MYH10: variants seen among roughly 807,000 people sequenced by gnomAD.
MYH10 encodes myosin-10.
In MYH10, 55 loss-of-function variants were observed where a neutral mutation model predicts 257.8. That is an observed-to-expected ratio of 0.21 (90% CI 0.17 to 0.27). MYH10 has a LOEUF of 0.27. MYH10 is among the 10% of genes least tolerant of loss of function. The pLI is 1.00. For missense variants in MYH10, 1,631 were observed against 2,500.6 expected, an observed-to-expected ratio of 0.65 and a Z score of 7.42; for synonymous variants, 854 against 921.7, an observed-to-expected ratio of 0.93 and a Z score of 1.33.
chr17:8,587,616 A>G (rs773100550), intron 4 of MYH10, among the ~76,000 whole-genome samples: 13 of 152,082 alleles, frequency 8.5e-5, no homozygotes, highest in Non-Finnish European at 1.5e-4. Context: ...CTGTGCCCAG[A>G]CACCCAACCC....
At chr17:8,487,779 G>A (rs1318791130) in intron 35 of MYH10, among the ~76,000 whole-genome samples, 185 bp from the exon 36 acceptor site, 1 of 152,172 alleles carries the variant, frequency 6.6e-6, no homozygotes, top group Non-Finnish European at 1.5e-5. Flanking sequence ...TTTGTTCAAA[G>A]GGGTCTTTAA....
intron 7 of MYH10, chr17:8,560,763 T>C (rs1179022964): frequency 1.6e-6 from 1 of 609,198 alleles, no homozygotes; most frequent in Non-Finnish European, 3.1e-6. Context: ...CCTGGCATCT[T>C]GTCCATGGCA....
At chr17:8,483,395 C>G (rs1266223432) in intron 37 of MYH10, among the ~76,000 whole-genome samples, 1 of 151,974 alleles carries the variant, frequency 6.6e-6, no homozygotes, top group Non-Finnish European at 1.5e-5. Context: ...AGGGTCGGCT[C>G]CGTGTTTACT....
At position 8,489,747 on chromosome 17, in the gene MYH10, C is replaced by CACACACACACACACACA. The variant is rs1567784631; in HGVS notation, c.4884+592_4884+593insTGTGTGTGTGTGTGTGT. On this transcript the variant is annotated intron_variant, in intron 35 of 42. Transcript: ENST00000360416. ...CACACACACACACACACACACACACCCCAAATCCAAAACTTACTGCCATGA... is the reference window on the plus strand; with the variant it reads ...CACACACACACACACACACACACACCACACACACACACACACACCAAATCCAAAACTTACTGCCATGA... 5.0e-5 allele frequency among the ~76,000 whole-genome samples: 4 copies of CACACACACACACACACA among 79,688 alleles called. 1 individual carries two copies. The highest frequency in any genetic ancestry group is 2.4e-4 in the African/African-American group (4 of 16,822). The allele number at this position is 79,688 out of a possible 152,430, so 52.3% of individuals were successfully genotyped here.
At chr17:8,550,387 C>G (rs1597804237) in intron 9 of MYH10, among the ~76,000 whole-genome samples, 1 of 152,044 alleles carries the variant, frequency 6.6e-6, no homozygotes, top group Non-Finnish European at 1.5e-5. Context: ...CCGACCCCGT[C>G]TGGGAGGTGA....
intron 25 of MYH10, among the ~76,000 whole-genome samples, chr17:8,509,457 G>A (rs1405950425): frequency 1.3e-5 from 2 of 152,198 alleles, no homozygotes; most frequent in Non-Finnish European, 2.9e-5. Context: ...ACGTCTTGGT[G>A]CCCACCCCGG....
chr17:8,488,916 C>T (rs1383307511), intron 35 of MYH10, among the ~76,000 whole-genome samples: 1 of 152,140 alleles, frequency 6.6e-6, no homozygotes, highest in Non-Finnish European at 1.5e-5. Context: ...TCTACAAATT[C>T]TTTAATACTC....
At chr17:8,487,894 C>T (rs958080022) in intron 35 of MYH10, among the ~76,000 whole-genome samples, 3 of 151,928 alleles carry the variant, frequency 2.0e-5, no homozygotes, top group Non-Finnish European at 4.4e-5. Context: ...TGGAAAAACC[C>T]AAGACAATAC....
chr17:8,526,299 G>A (rs1488132768), intron 17 of MYH10, among the ~76,000 whole-genome samples: 1 of 152,184 alleles, frequency 6.6e-6, no homozygotes, highest in Non-Finnish European at 1.5e-5. Context: ...GGCAGAAAAT[G>A]CGAAGAGAAG....
intron 17 of MYH10, among the ~76,000 whole-genome samples, chr17:8,524,021 G>A (rs1042105320): frequency 6.6e-6 from 1 of 152,166 alleles, no homozygotes. Flanking sequence ...CCAGTCTGCT[G>A]CTAGGAAGAG....
rs1597591383 is a variant in MYH10, at chr17:8,480,196, A to C, written c.5511T>G (p.Gly1837=). Residue 1837 remains glycine, a synonymous_variant, in exon 40 of 43, where the codon GGT becomes GGG. Transcript: ENST00000360416. ...TGGCCTTGAACTTAGACTTGACAGC[A>C]CCCTCGAGTTCCTGCAGCTTGGCCT... ...ELKAKLQELE[G]AVKSKFKATI... is the part of the protein sequence containing the mutation. The C allele has an allele frequency of 6.2e-7, 1 of 1,613,908 alleles. No individual in the cohort carries two copies. The highest frequency in any genetic ancestry group is 8.5e-7 in the Non-Finnish European group (1 of 1,179,970).
intron 1 of MYH10, among the ~76,000 whole-genome samples, chr17:8,628,686 G>A (rs1410798695): frequency 6.6e-6 from 1 of 152,162 alleles, no homozygotes; most frequent in Non-Finnish European, 1.5e-5. Context: ...CTTATGGCCT[G>A]CCCCATCTCC....
chr17:8,527,705 G>A (rs556271937), intron 17 of MYH10, among the ~76,000 whole-genome samples: 9 of 152,294 alleles, frequency 5.9e-5, no homozygotes, highest in Admixed American at 2.0e-4. Context: ...CATGTGCCAC[G>A]CATTCAGGTT....
chr17:8,546,752 C>T, intron 11 of MYH10, 90 bp from the exon 12 acceptor site: 2 of 898,924 alleles, frequency 2.2e-6, no homozygotes, highest in Non-Finnish European at 1.7e-6. Flanking sequence ...ACCTTAGTAA[C>T]AATTAAATTG....
At chr17:8,577,123 G>C (rs762873331) in intron 5 of MYH10, 113 bp downstream of exon 5, 2 of 720,238 alleles carry the variant, frequency 2.8e-6, no homozygotes, top group Non-Finnish European at 4.5e-6. Flanking sequence ...AGCAGGTGGA[G>C]ACAAGGGAGC....
chr17:8,612,741 C>T lies in MYH10; in HGVS notation c.346-7759G>A, dbSNP rs576343993. Among the ~76,000 whole-genome samples the T allele has an allele frequency of 6.6e-5, 10 of 152,068 alleles. No individual in the cohort carries two copies. The South Asian group carries it at 1.7e-3, about 25-fold the overall frequency. ...TGGCGCACGCCTGTAATCCCCGCTA[C>T]TCAAGAGGCTGAGGCAGTGGAATTG... On this transcript the variant is annotated intron_variant, in intron 2 of 42. Coordinates refer to ENST00000360416, the MANE Select transcript of MYH10 (RefSeq NM_001256012.3).
At chr17:8,520,737 A>T in intron 19 of MYH10, 141 bp downstream of exon 19, 1 of 890,746 alleles carries the variant, frequency 1.1e-6, no homozygotes, top group Non-Finnish European at 1.6e-6. Flanking sequence ...TCCCTTTTCC[A>T]GAACCTCACT....
In MYH10 at chr17:8,558,184, T is replaced by C. The variant is rs1263770188; in HGVS notation, c.757-4166A>G. Among the ~76,000 whole-genome samples the C allele has an allele frequency of 2.0e-5, 3 of 152,176 alleles. No individual in the cohort carries two copies. The East Asian group carries it at 5.8e-4, about 29-fold the overall frequency. On this transcript the variant is annotated intron_variant, in intron 7 of 42. Coordinates refer to ENST00000360416, the MANE Select transcript of MYH10 (RefSeq NM_001256012.3). ...GAGAAAAATTTTCCCTTCTTTGAGA[T>C]AGGCTAAACAAATAAGCACTCTACA...
chr17:8,629,029 C>G (rs1297665084), intron 1 of MYH10, among the ~76,000 whole-genome samples: 1 of 152,128 alleles, frequency 6.6e-6, no homozygotes, highest in East Asian at 1.9e-4. Context: ...TAAGGAGATG[C>G]ATAAAATGGC....
Sources: gnomAD v4.1 joint callset for allele counts (sites outside exome capture counted in the v4.1 genomes callset) on GRCh38, gnomAD v4.1.1 for gene constraint, MANE v1.5 for transcripts, NCBI Gene and HGNC (gene_info 2026-07-23, HGNC 2026-07-21) for gene names.